The following MINDY4 variants were observed in gnomAD, a reference collection of about 807,000 sequenced individuals.
MINDY4 encodes the protein MINDY lysine 48 deubiquitinase 4.
In MINDY4, 68 loss-of-function variants were observed where a neutral mutation model predicts 87.0. That is an observed-to-expected ratio of 0.78 (90% confidence interval 0.64 to 0.96). The LOEUF (loss-of-function observed/expected upper bound fraction) is 0.96, where lower values mean the gene tolerates loss of function less well. Among genes scored for constraint, MINDY4 ranks in the 40% least tolerant of loss-of-function variants. MINDY4 has a pLI of 0.00. For synonymous variants in MINDY4, 379 were observed against 363.2 expected (o/e 1.04, Z -0.50); for missense variants, 919 against 928.2 (o/e 0.99, Z 0.13).
At chr7:30,852,353 C>T (rs62449093) in intron 11 of MINDY4, 74 bp downstream of exon 11, 29 of 1,605,606 alleles carry the variant, frequency 1.8e-5, no homozygotes, top group Non-Finnish European at 2.4e-5. Flanking sequence ...ATAAGTAAAT[C>T]CTTCCTCAGC....
At chr7:30,877,007 C>T (rs1479965021) in intron 15 of MINDY4, among the ~76,000 whole-genome samples, 2 of 152,140 alleles carry the variant, frequency 1.3e-5, no homozygotes, top group Non-Finnish European at 2.9e-5. Context: ...GTGCAGCCCC[C>T]TCCCCAGATC....
At chr7:30,824,600 A>ATT (rs1399065981) in intron 5 of MINDY4, among the ~76,000 whole-genome samples, 3 of 151,986 alleles carry the variant, frequency 2.0e-5, no homozygotes, top group Non-Finnish European at 4.4e-5. Context: ...TTTGCTATTT[A>ATT]TTTTTATTTT....
chr7:30,842,110 A>T (rs1423939207), intron 9 of MINDY4, among the ~76,000 whole-genome samples: 1 of 152,102 alleles, frequency 6.6e-6, no homozygotes, highest in Non-Finnish European at 1.5e-5. Context: ...GCATCTTAAA[A>T]TTTTTTCCAA....
chr7:30,810,139 C>T (rs575719066), intron 5 of MINDY4, among the ~76,000 whole-genome samples: 22 of 132,664 alleles, frequency 1.7e-4, no homozygotes, highest in Middle Eastern at 4.8e-3. Context: ...TTGCGCCACA[C>T]ACTCCAGCCT....
chr7:30,859,153 G>A, intron 12 of MINDY4, 104 bp from the exon 13 acceptor site: 1 of 1,157,370 alleles, frequency 8.6e-7, no homozygotes, highest in Non-Finnish European at 1.3e-6. Flanking sequence ...GAGGCAGTTG[G>A]CTCAGGGCAG....
intron 8 of MINDY4, among the ~76,000 whole-genome samples, chr7:30,840,364 G>T: frequency 6.6e-6 from 1 of 152,312 alleles, no homozygotes; most frequent in Non-Finnish European, 1.5e-5. Context: ...GTCAGGAAAG[G>T]CTTCTTGGAG....
intron 9 of MINDY4, among the ~76,000 whole-genome samples, chr7:30,850,134 G>A (rs62449088): frequency 0.12 from 17,655 of 152,202 alleles, 1,154 homozygotes; most frequent in Middle Eastern, 0.18. Flanking sequence ...CAGAACTCAT[G>A]GCACTTTCTC....
At chr7:30,817,083 G>A (rs947475843) in intron 5 of MINDY4, among the ~76,000 whole-genome samples, 5 of 152,192 alleles carry the variant, frequency 3.3e-5, no homozygotes, top group South Asian at 4.1e-4. Context: ...CAGTGGCCAA[G>A]GGAGGTAGAG....
At chr7:30,869,712 A>G (rs909242945) in intron 13 of MINDY4, among the ~76,000 whole-genome samples, 2 of 152,074 alleles carry the variant, frequency 1.3e-5, no homozygotes, top group African/African-American at 2.4e-5. Flanking sequence ...GAAAGGCTCT[A>G]TTTCCAAATA....
chr7:30,834,221 G>A (rs1788792709), intron 6 of MINDY4, among the ~76,000 whole-genome samples: 1 of 152,230 alleles, frequency 6.6e-6, no homozygotes, highest in African/African-American at 2.4e-5. Context: ...ACTTCTGCCT[G>A]GACATCCAGG....
chr7:30,862,464 G>T (rs953399189), intron 13 of MINDY4, among the ~76,000 whole-genome samples: 1 of 152,196 alleles, frequency 6.6e-6, no homozygotes, highest in East Asian at 1.9e-4. Flanking sequence ...CTCCAGCGGC[G>T]CTCCCTGCAT....
chr7:30,771,854 G>C (rs57354891), intron 1 of MINDY4, among the ~76,000 whole-genome samples: 2,568 of 152,328 alleles, frequency 0.017, 82 homozygotes, highest in African/African-American at 0.059. Context: ...CCTGGGGGCC[G>C]CGCCAAGCAA....
intron 6 of MINDY4, among the ~76,000 whole-genome samples, chr7:30,832,645 G>A (rs776585783): frequency 1.3e-5 from 2 of 152,154 alleles, no homozygotes; most frequent in African/African-American, 4.8e-5. Context: ...GAGTAACTGG[G>A]ATTACAGGCC....
chr7:30,806,324 A>T (rs1787803955), intron 5 of MINDY4, among the ~76,000 whole-genome samples: 2 of 152,232 alleles, frequency 1.3e-5, no homozygotes, highest in Admixed American at 1.3e-4. Flanking sequence ...CCATATACTA[A>T]CAGGGCAAAG....
chr7:30,852,202 C>G lies in MINDY4; in HGVS notation c.1548-14C>G, dbSNP rs372437910. Reference sequence around the variant, plus strand: ...TCCACTCAGAGGACTCATGCACCTTCCTTTCCTTTTTAGGGCTTCGAGAAC... The same window carrying G: ...TCCACTCAGAGGACTCATGCACCTTGCTTTCCTTTTTAGGGCTTCGAGAAC... On this transcript the variant is annotated splice_polypyrimidine_tract_variant and intron_variant, in intron 10 of 17. Transcript: ENST00000265299. The G allele has an allele frequency of 1.9e-6, 3 of 1,614,124 alleles. No homozygotes were observed. The Admixed American group carries it at 5.0e-5, about 27-fold the overall frequency.
intron 13 of MINDY4, among the ~76,000 whole-genome samples, chr7:30,861,164 C>A (rs1158479763): frequency 6.6e-6 from 1 of 152,192 alleles, no homozygotes; most frequent in Non-Finnish European, 1.5e-5. Context: ...CCCAGAGGGC[C>A]CAAATAGAGC....
intron 5 of MINDY4, among the ~76,000 whole-genome samples, chr7:30,816,372 AG>A (rs1788150351): frequency 6.6e-6 from 1 of 152,186 alleles, no homozygotes; most frequent in African/African-American, 2.4e-5. Context: ...TACAGGAAGG[AG>A]AAATGTTGGA....
chr7:30,845,508 T>C (rs540112558), intron 9 of MINDY4, among the ~76,000 whole-genome samples: 1 of 147,908 alleles, frequency 6.8e-6, no homozygotes, highest in Non-Finnish European at 1.5e-5. Flanking sequence ...ATTTCAGACA[T>C]GATCCAGCTT....
intron 15 of MINDY4, among the ~76,000 whole-genome samples, chr7:30,878,457 A>G (rs1202707821): frequency 6.6e-6 from 1 of 152,120 alleles, no homozygotes; most frequent in Admixed American, 6.5e-5. Context: ...CCGGACCTCC[A>G]TGGGCTATCT....
Sources: allele counts gnomAD v4.1 joint callset (sites outside exome capture counted in the v4.1 genomes callset), GRCh38; gene constraint gnomAD v4.1.1; transcripts MANE v1.5; gene names NCBI Gene and HGNC (gene_info 2026-07-23, HGNC 2026-07-21).